PRKN: variants seen among roughly 807,000 people sequenced by gnomAD.
The protein encoded by PRKN is E3 ubiquitin-protein ligase parkin.
A neutral mutation model predicts 59.5 loss-of-function variants in PRKN; 56 were observed. The observed-to-expected ratio is 0.94, with a 90% confidence interval of 0.76 to 1.18. The LOEUF (loss-of-function observed/expected upper bound fraction) is 1.18, where lower values mean the gene tolerates loss of function less well. Among genes scored for constraint, PRKN ranks in the 50% most tolerant of loss-of-function variants. The pLI is 0.00. For synonymous variants in PRKN, 250 were observed against 222.1 expected (o/e 1.13, Z -1.12); for missense variants, 657 against 596.4 (o/e 1.10, Z -1.06).
intron 1 of PRKN, among the ~76,000 whole-genome samples, chr6:162,634,205 C>A (rs553832990): frequency 2.4e-4 from 36 of 152,260 alleles, no homozygotes; most frequent in African/African-American, 7.9e-4. Flanking sequence ...CCCTCACAGG[C>A]CTCCCTGTCT....
chr6:162,632,903 T>A (rs1488780796), intron 1 of PRKN, among the ~76,000 whole-genome samples: 1 of 152,118 alleles, frequency 6.6e-6, no homozygotes, highest in Non-Finnish European at 1.5e-5. Flanking sequence ...ATAATCATTT[T>A]CCTGCTGGAA....
At chr6:162,502,536 C>A (rs577418102) in intron 1 of PRKN, among the ~76,000 whole-genome samples, 3 of 151,958 alleles carry the variant, frequency 2.0e-5, no homozygotes, top group Non-Finnish European at 4.4e-5. Context: ...AATAGTCATG[C>A]GATATGTCTA....
intron 4 of PRKN, among the ~76,000 whole-genome samples, chr6:162,064,132 C>T (rs552547797): frequency 6.6e-6 from 1 of 152,268 alleles, no homozygotes; most frequent in East Asian, 1.9e-4. Context: ...CGAAACAAAA[C>T]ACCATATTTA....
chr6:162,611,391 G>A (rs1202129290), intron 1 of PRKN, among the ~76,000 whole-genome samples: 2 of 152,104 alleles, frequency 1.3e-5, no homozygotes, highest in African/African-American at 2.4e-5. Context: ...CTAGAGTTTC[G>A]AAAAACAACA....
In PRKN at chr6:161,356,160, C is replaced by T. The variant is rs1784737908; in HGVS notation, c.1285+3928G>A. On this transcript the variant is annotated intron_variant, in intron 11 of 11. Coordinates refer to ENST00000366898, the MANE Select transcript of PRKN (RefSeq NM_004562.3). The surrounding 1 kb of genome is among the most constrained non-coding windows in gnomAD (Gnocchi z 7.8). ...AATTGTCTTGGCAGAGGTGATTTCC[C>T]AGAGGGCTCAAGGCCATCCACAGGC... Among the ~76,000 whole-genome samples, 1 of 152,212 alleles carries T rather than the reference C, an allele frequency of 6.6e-6. No homozygotes were observed. Among genetic ancestry groups the T allele is most frequent in the South Asian group, 2.1e-4 (1 of 4,832 alleles).
At chr6:162,037,879 A>AT (rs928785857) in intron 5 of PRKN, among the ~76,000 whole-genome samples, 4 of 150,442 alleles carry the variant, frequency 2.7e-5, no homozygotes, top group African/African-American at 7.3e-5. Context: ...ACGTTGGCTA[A>AT]TTTTTTTTTC....
At chr6:162,450,239 A>G (rs1790523086) in intron 1 of PRKN, among the ~76,000 whole-genome samples, 2 of 152,086 alleles carry the variant, frequency 1.3e-5, no homozygotes, top group South Asian at 4.1e-4. Context: ...CTGTGACAGT[A>G]AATCCCCTGT....
At chr6:161,700,605 C>T (rs1786213151) in intron 7 of PRKN, among the ~76,000 whole-genome samples, 1 of 152,126 alleles carries the variant, frequency 6.6e-6, no homozygotes, top group South Asian at 2.1e-4. Context: ...CCAACTAAAA[C>T]CAAACCAAAC....
rs1457504007 is a variant in PRKN, at chr6:161,426,229, AG to A, written c.1084-39353del. 3.3e-5 allele frequency among the ~76,000 whole-genome samples: 5 copies of A among 152,334 alleles called. No individual in the cohort carries two copies. The East Asian group carries it at 5.8e-4, about 18-fold the overall frequency. Reference sequence around the variant, plus strand: ...CCAAAGGGGCGTGCTGAAGTACCTCAGGGATATGATTCTATGCTATTGTGAT... The same window carrying A: ...CCAAAGGGGCGTGCTGAAGTACCTCAGGATATGATTCTATGCTATTGTGAT... On this transcript the variant is annotated intron_variant, in intron 9 of 11. Transcript: ENST00000366898.
At chr6:162,483,560 G>GGAGGGAGGGAGA (rs1245023235) in intron 1 of PRKN, among the ~76,000 whole-genome samples, 1 of 35,370 alleles carries the variant, frequency 2.8e-5, no homozygotes, top group African/African-American at 1.7e-4. Flanking sequence ...ACGTAGGGAA[G>GGAGGGAGGGAGA]GAGGGAGAGA....
Position 162,390,122 on chromosome 6 carries a change from T to C in PRKN, c.171+53188A>G, listed in dbSNP as rs149019722. Reference sequence around the variant, plus strand: ...CGCCAATGTTCATTTCCCGTAAATGTTGGAAACTCCTTTAACCTCATGAGA... The same window carrying C: ...CGCCAATGTTCATTTCCCGTAAATGCTGGAAACTCCTTTAACCTCATGAGA... On this transcript the variant is annotated intron_variant, in intron 2 of 11. Transcript: ENST00000366898. 3.9e-3 allele frequency among the ~76,000 whole-genome samples: 595 copies of C among 152,148 alleles called. 4 individuals carry two copies. The highest frequency in any genetic ancestry group is 0.014 in the African/African-American group (562 of 41,482).
At chr6:162,192,064 T>C (rs1427915168) in intron 4 of PRKN, among the ~76,000 whole-genome samples, 1 of 152,222 alleles carries the variant, frequency 6.6e-6, no homozygotes, top group African/African-American at 2.4e-5. Context: ...TAGAGAACCT[T>C]ATTTTTTCTT....
chr6:161,854,961 T>C (rs1315172657), intron 6 of PRKN, among the ~76,000 whole-genome samples: 1 of 151,666 alleles, frequency 6.6e-6, no homozygotes, highest in African/African-American at 2.4e-5. Flanking sequence ...TGTGTGCCTG[T>C]AGTCCCAGCT....
At chr6:162,110,834 T>G (rs1583046972) in intron 4 of PRKN, among the ~76,000 whole-genome samples, 1 of 152,152 alleles carries the variant, frequency 6.6e-6, no homozygotes, top group Non-Finnish European at 1.5e-5. Flanking sequence ...GTACACACCC[T>G]CTAGGAAACG....
At chr6:161,799,495 G>A (rs1790992338) in intron 6 of PRKN, among the ~76,000 whole-genome samples, 1 of 152,216 alleles carries the variant, frequency 6.6e-6, no homozygotes, top group South Asian at 2.1e-4. Context: ...GCTGAGTCCA[G>A]TTTGGAGAGC....
intron 1 of PRKN, among the ~76,000 whole-genome samples, chr6:162,532,080 C>G (rs1241298859): frequency 7.3e-6 from 1 of 136,638 alleles, no homozygotes; most frequent in Admixed American, 7.4e-5. Flanking sequence ...CTTTGGCCTA[C>G]AGCAAAATAT....
intron 7 of PRKN, among the ~76,000 whole-genome samples, chr6:161,654,583 T>G (rs893309238): frequency 2.6e-5 from 4 of 152,224 alleles, no homozygotes; most frequent in Admixed American, 6.5e-5. Context: ...CTTAGAAAAC[T>G]TCTAACATCT....
At chr6:161,601,126 C>G (rs1782089618) in intron 7 of PRKN, among the ~76,000 whole-genome samples, 1 of 152,152 alleles carries the variant, frequency 6.6e-6, no homozygotes, top group Admixed American at 6.6e-5. Context: ...AAGAATTTAC[C>G]ATTTGACTTC....
At chr6:162,522,223 A>G (rs1396243387) in intron 1 of PRKN, among the ~76,000 whole-genome samples, 1 of 152,246 alleles carries the variant, frequency 6.6e-6, no homozygotes, top group Non-Finnish European at 1.5e-5. Flanking sequence ...TCCCAGGCTC[A>G]AGCCATCCTC....
Sources: gnomAD v4.1 joint callset for allele counts (sites outside exome capture counted in the v4.1 genomes callset) on GRCh38, gnomAD v4.1.1 for gene constraint, Gnocchi (gnomAD v3.1) non-coding constraint, MANE v1.5 for transcripts, NCBI Gene and HGNC (gene_info 2026-07-23, HGNC 2026-07-21) for gene names.